Variants in CAPG observed in about 807,000 individuals in gnomAD.
The protein encoded by CAPG is capping actin protein, gelsolin like.
A neutral mutation model predicts 44.6 loss-of-function variants in CAPG; 32 were observed. The ratio of observed to expected loss-of-function variants is 0.72; its 90% confidence interval spans 0.54 to 0.96. The LOEUF is 0.96. Ranked by LOEUF, CAPG falls within the 50% of genes least tolerant of loss-of-function variation. The pLI, the probability that CAPG is intolerant of heterozygous loss-of-function variation, is 0.00. For synonymous variants in CAPG, 175 were observed against 179.6 expected (o/e 0.97, Z 0.20); for missense variants, 412 against 438.3 (o/e 0.94, Z 0.54).
At position 85,394,964 on chromosome 2, in the gene CAPG, G is replaced by C; in HGVS notation, c.982-6C>G. 1 of 1,602,784 alleles carries C rather than the reference G, an allele frequency of 6.2e-7. No homozygotes were observed. ...CCCTGAGGCAGAATCTCCACCTGCA[G>C]GGACAGCGGGGGAGAAGTCTGGTTC... On this transcript the variant is annotated splice_polypyrimidine_tract_variant and splice_region_variant and intron_variant, in intron 9 of 9. Coordinates refer to ENST00000263867, the MANE Select transcript of CAPG (RefSeq NM_001747.4).
intron 8 of CAPG, chr2:85,396,151 A>G (rs1686585276): frequency 1.3e-5 from 2 of 153,468 alleles, no homozygotes; most frequent in Admixed American, 1.3e-4. Context: ...TTCTGCTAGC[A>G]GTCCTGAGAA....
intron 1 of CAPG, among the ~76,000 whole-genome samples, chr2:85,416,181 G>A (rs1687547202): frequency 1.3e-5 from 2 of 152,218 alleles, no homozygotes; most frequent in African/African-American, 4.8e-5. Context: ...GCCAAGGTCT[G>A]GGGATGTCCA....
At chr2:85,405,547 A>G (rs1687105569) in intron 1 of CAPG, among the ~76,000 whole-genome samples, 2 of 152,052 alleles carry the variant, frequency 1.3e-5, no homozygotes, top group Non-Finnish European at 2.9e-5. Context: ...GGGGCCAGGG[A>G]AGTCAGGGGT....
upstream of CAPG, among the ~76,000 whole-genome samples, chr2:85,415,234 A>C (rs1687526183): frequency 7.4e-6 from 1 of 134,976 alleles, no homozygotes; most frequent in Non-Finnish European, 1.6e-5. Flanking sequence ...TATTCTGGAC[A>C]TCAAGCCACT....
upstream of CAPG, among the ~76,000 whole-genome samples, chr2:85,414,535 T>A (rs1687508026): frequency 2.0e-5 from 3 of 150,430 alleles, no homozygotes; most frequent in African/African-American, 7.3e-5. Context: ...GCTCAAGCAA[T>A]CCTCCAGCCT....
At chr2:85,405,139 C>T (rs1360485682) in intron 1 of CAPG, among the ~76,000 whole-genome samples, 1 of 152,058 alleles carries the variant, frequency 6.6e-6, no homozygotes. Context: ...ATTCTGTATG[C>T]CCAGCTTCCC....
At chr2:85,405,773 G>A (rs1289451645) in intron 1 of CAPG, among the ~76,000 whole-genome samples, 4 of 152,082 alleles carry the variant, frequency 2.6e-5, no homozygotes, top group African/African-American at 4.8e-5. Flanking sequence ...AAACTTTAAC[G>A]TTTCTCCATC....
upstream of CAPG, chr2:85,413,747 C>G (rs1687487446): frequency 6.6e-6 from 1 of 152,248 alleles, no homozygotes; most frequent in South Asian, 2.1e-4. Flanking sequence ...GTGGTCTCCC[C>G]TGAGCACTAC....
chr2:85,410,144 G>C (rs1272148093), intron 1 of CAPG, among the ~76,000 whole-genome samples, 173 bp downstream of exon 1: 4 of 152,240 alleles, frequency 2.6e-5, no homozygotes, highest in African/African-American at 4.8e-5. Flanking sequence ...AGGACAGCAG[G>C]CTGGGGGAAC....
chr2:85,409,011 C>T (rs1234821064), intron 1 of CAPG, among the ~76,000 whole-genome samples: 1 of 152,168 alleles, frequency 6.6e-6, no homozygotes, highest in Non-Finnish European at 1.5e-5. Context: ...GCCTCTTCTA[C>T]ACCTCTTAAA....
chr2:85,396,634 C>G (rs145291875), intron 8 of CAPG, among the ~76,000 whole-genome samples: 5 of 152,184 alleles, frequency 3.3e-5, no homozygotes, highest in Admixed American at 1.3e-4. Flanking sequence ...TGTTGGGTTC[C>G]TTGCTCCGGT....
Position 85,394,854 on chromosome 2 carries a change from T to G in CAPG, c.*39A>C, listed in dbSNP as rs1182496244. On this transcript the variant is annotated 3_prime_UTR_variant, in exon 10 of 10. Coordinates refer to ENST00000263867, the MANE Select transcript of CAPG (RefSeq NM_001747.4). ...GCCAGAGAAGCAAGCAGGCAGGTGG[T>G]GGGGGGCAGGGGAGCATGGGGCAGG... 1 of 1,482,282 alleles carries G rather than the reference T, an allele frequency of 6.7e-7. No homozygotes were observed. The highest frequency in any genetic ancestry group is 9.4e-7 in the Non-Finnish European group (1 of 1,059,870). The allele number at this position is 1,482,282 out of a possible 1,614,324, so 91.8% of individuals were successfully genotyped here. A position where few individuals can be genotyped will look rare whatever the true frequency, so the allele number is the denominator to read the frequency against.
intron 1 of CAPG, among the ~76,000 whole-genome samples, chr2:85,405,248 A>T (rs1370633898): frequency 6.6e-5 from 10 of 152,200 alleles, no homozygotes; most frequent in Admixed American, 6.5e-4. Context: ...ATCTTTTTAA[A>T]AAATTCAGAA....
At position 85,401,881 on chromosome 2, in the gene CAPG, C is replaced by A. The variant is rs755446246; in HGVS notation, c.100G>T (p.Val34Leu). The A allele has an allele frequency of 1.3e-5, 21 of 1,614,092 alleles. No homozygotes were observed. Among genetic ancestry groups the A allele is most frequent in the South Asian group, 1.1e-4 (10 of 91,088 alleles). ...WRVEKLKPVPVAQENQGVFFS... is the reference protein window; with the variant it reads ...WRVEKLKPVPLAQENQGVFFS... ...AAGACGCCCTGGTTCTCTTGCGCCA[C>A]AGGCACCGGCTTCAGCTTCTCCACC... The change falls in exon 3 of 10, where the codon GTG becomes TTG. Residue 34 changes from valine (V) to leucine (L), a missense_variant. Transcript: ENST00000263867.
chr2:85,417,114 G>A (rs1687569513), intron 1 of CAPG, among the ~76,000 whole-genome samples: 1 of 152,128 alleles, frequency 6.6e-6, no homozygotes, highest in Non-Finnish European at 1.5e-5. Flanking sequence ...GGGATGGGGG[G>A]ACTAGTCCCC....
rs66463160 is a variant in CAPG at position 85,404,952 on chromosome 2, T to A, written c.-13-2794A>T. ...CCCCCTCTCAAAAAAAAAAAAAAAA[T>A]TTTTTTTTTACCCACAAACTAGGAA... On this transcript the variant is annotated intron_variant, in intron 1 of 9. Transcript: ENST00000263867. 7.1e-3 allele frequency among the ~76,000 whole-genome samples: 574 copies of A among 81,352 alleles called. 6 individuals carry two copies. The highest frequency in any genetic ancestry group is 0.039 in the African/African-American group (519 of 13,300). 53.4% of individuals were successfully genotyped at this position (81,352 alleles called of 152,430 possible). A position where few individuals can be genotyped will look rare whatever the true frequency, so the allele number is the denominator to read the frequency against.
At chr2:85,418,299 A>C (rs1687617616) in exon 1 of CAPG, 1 of 151,986 alleles carries the variant, frequency 6.6e-6, no homozygotes, top group Admixed American at 6.5e-5. Flanking sequence ...TGGCGGGTAC[A>C]TCTCAGGGTC....
chr2:85,411,790 G>A (rs187647704), upstream of CAPG, among the ~76,000 whole-genome samples: 5 of 152,292 alleles, frequency 3.3e-5, no homozygotes, highest in East Asian at 9.6e-4. Flanking sequence ...GGCTGGGCAT[G>A]GTGGCTGTCT....
At chr2:85,413,697 G>C (rs956550508), upstream of CAPG, 10 of 152,382 alleles carry the variant, frequency 6.6e-5, no homozygotes, top group Admixed American at 5.2e-4. Context: ...CGACGCTCTA[G>C]AACTAGTTTT....
Sources: allele counts gnomAD v4.1 joint callset (sites outside exome capture counted in the v4.1 genomes callset), GRCh38; gene constraint gnomAD v4.1.1; transcripts MANE v1.5; gene names NCBI Gene and HGNC (gene_info 2026-07-23, HGNC 2026-07-21).